Variants in MLXIP observed in about 807,000 individuals in gnomAD.
MLXIP encodes the protein MLX interacting protein.
Under a neutral mutation model 87.2 loss-of-function variants are expected in MLXIP, and 30 were observed. The ratio of observed to expected loss-of-function variants is 0.34; its 90% CI spans 0.26 to 0.47. The LOEUF (loss-of-function observed/expected upper bound fraction) is 0.47, where lower values mean the gene tolerates loss of function less well. MLXIP is among the 20% of genes least tolerant of loss of function. MLXIP has a pLI of 1.00. For missense variants in MLXIP, 1,002 were observed against 1,240.1 expected (o/e 0.81, Z 2.88); for synonymous variants, 530 against 514.0 (o/e 1.03, Z -0.42).
intron 1 of MLXIP, among the ~76,000 whole-genome samples, chr12:122,116,508 T>TTG (rs1378962267): frequency 6.6e-6 from 1 of 152,220 alleles, no homozygotes; most frequent in Non-Finnish European, 1.5e-5. Context: ...AGTTTGCCTC[T>TTG]TGCAAATCTG....
At chr12:122,084,602 A>C (rs1349150405) in intron 1 of MLXIP, among the ~76,000 whole-genome samples, 1 of 152,096 alleles carries the variant, frequency 6.6e-6, no homozygotes, top group Non-Finnish European at 1.5e-5. Flanking sequence ...GCTGGAGTGC[A>C]GTGGCGTGAT....
intron 1 of MLXIP, among the ~76,000 whole-genome samples, chr12:122,097,613 TAA>T (rs373093831): frequency 1.1e-4 from 15 of 140,486 alleles, no homozygotes; most frequent in Non-Finnish European, 1.1e-4. Flanking sequence ...ACCCTGCCTC[TAA>T]AAAAAAAAAA....
At chr12:122,134,045 C>A in intron 9 of MLXIP, 58 bp downstream of exon 9, 1 of 1,512,140 alleles carries the variant, frequency 6.6e-7, no homozygotes, top group Admixed American at 2.2e-5. Context: ...GGATGTTTTC[C>A]CATCCCAAAG....
chr12:122,128,054 G>A, intron 3 of MLXIP, 86 bp downstream of exon 3: 2 of 1,167,154 alleles, frequency 1.7e-6, no homozygotes, highest in South Asian at 2.5e-5. Context: ...GGTCCTGTAG[G>A]AGAGGCTGCC....
intron 13 of MLXIP, 50 bp from the exon 14 acceptor site, chr12:122,138,374 C>G (rs764281328): frequency 6.2e-7 from 1 of 1,610,722 alleles, no homozygotes; most frequent in Non-Finnish European, 8.5e-7. Flanking sequence ...TTGCTGGTGG[C>G]AGGCCTGCTG....
intron 1 of MLXIP, among the ~76,000 whole-genome samples, chr12:122,109,278 A>T (rs1030674291): frequency 1.3e-5 from 2 of 152,196 alleles, no homozygotes; most frequent in African/African-American, 4.8e-5. Flanking sequence ...TGTGTTGGCT[A>T]GGCTGGTCTT....
intron 1 of MLXIP, among the ~76,000 whole-genome samples, chr12:122,096,803 G>A (rs1290380212): frequency 6.6e-6 from 1 of 152,162 alleles, no homozygotes; most frequent in African/African-American, 2.4e-5. Context: ...CCTGCCCTTG[G>A]CTGTTTGTTG....
chr12:122,129,463 G>A, intron 4 of MLXIP, 125 bp from the exon 5 acceptor site: 2 of 1,138,008 alleles, frequency 1.8e-6, no homozygotes, highest in Non-Finnish European at 2.6e-6. Context: ...CTTTGTGCAG[G>A]CATCGGCCTG....
Position 122,142,283 on chromosome 12 carries a change from C to T in MLXIP, c.*471C>T. 1.4e-6 allele frequency: 1 copy of T among 690,460 alleles called. No homozygotes were observed. Among genetic ancestry groups the T allele is most frequent in the Non-Finnish European group, 2.6e-6 (1 of 377,530 alleles). The allele number at this position is 690,460 out of a possible 1,614,324, so 42.8% of individuals were successfully genotyped here. A position where few individuals can be genotyped will look rare whatever the true frequency, so the allele number is the denominator to read the frequency against. On this transcript the variant is annotated 3_prime_UTR_variant, in exon 17 of 17. Coordinates refer to ENST00000319080, the MANE Select transcript of MLXIP (RefSeq NM_014938.6). ...TCCACTCTCTGGTCTGCCCGTGGGG[C>T]AGTTGGAAGGCGTCTTTCTTTCTCC...
chr12:122,111,107 G>T (rs1054336291), intron 1 of MLXIP, among the ~76,000 whole-genome samples: 1 of 151,698 alleles, frequency 6.6e-6, no homozygotes, highest in Non-Finnish European at 1.5e-5. Flanking sequence ...CTATTTATAG[G>T]TCTTGGCTAC....
intron 2 of MLXIP, 120 bp downstream of exon 2, chr12:122,127,482 T>G: frequency 1.4e-6 from 1 of 723,134 alleles, no homozygotes; most frequent in East Asian, 2.7e-5. Context: ...GTTCAGTCTG[T>G]GCAGACAGGA....
At chr12:122,114,625 G>A (rs569993971) in intron 1 of MLXIP, among the ~76,000 whole-genome samples, 26 of 152,246 alleles carry the variant, frequency 1.7e-4, no homozygotes, top group Middle Eastern at 3.4e-3. Flanking sequence ...AAAGCCCCCA[G>A]GCAAACAAAG....
chr12:122,135,203 A>G lies in MLXIP; in HGVS notation c.1733-21A>G. Reference sequence around the variant, plus strand: ...CCCTGTGGCCCAGGGCTGCACCTGAACATCCTCCTTATCCTGGCAGCTGCC... The same window carrying G: ...CCCTGTGGCCCAGGGCTGCACCTGAGCATCCTCCTTATCCTGGCAGCTGCC... On this transcript the variant is annotated intron_variant, in intron 9 of 16. Transcript: ENST00000319080. This position sits in a 1 kb window ranked among gnomAD's most constrained non-coding sequence, Gnocchi z 5.3. The G allele has an allele frequency of 6.2e-7, 1 of 1,611,524 alleles. No homozygotes were observed. The highest frequency in any genetic ancestry group is 8.5e-7 in the Non-Finnish European group (1 of 1,179,158).
chr12:122,139,009 G>T, intron 15 of MLXIP, 71 bp downstream of exon 15: 1 of 1,586,132 alleles, frequency 6.3e-7, no homozygotes, highest in Non-Finnish European at 8.6e-7. Context: ...CCGTGGCACT[G>T]TAGTTACTTT....
intron 1 of MLXIP, among the ~76,000 whole-genome samples, chr12:122,112,146 T>A (rs1952614393): frequency 6.6e-6 from 1 of 152,114 alleles, no homozygotes; most frequent in South Asian, 2.1e-4. Context: ...TGGACACAGG[T>A]CAGTGGTGAT....
chr12:122,130,480 A>C (rs1304266679), intron 6 of MLXIP, among the ~76,000 whole-genome samples: 2 of 149,850 alleles, frequency 1.3e-5, no homozygotes, highest in Non-Finnish European at 1.5e-5. Flanking sequence ...AATCAGAAGC[A>C]CTCCCGGGTG....
intron 1 of MLXIP, among the ~76,000 whole-genome samples, chr12:122,125,677 G>A (rs1952870506): frequency 6.6e-6 from 1 of 152,210 alleles, no homozygotes; most frequent in Admixed American, 6.5e-5. Context: ...ACTTGGGAGA[G>A]AAGGAAGGAA....
intron 1 of MLXIP, among the ~76,000 whole-genome samples, chr12:122,080,467 G>T (rs944225288): frequency 1.3e-5 from 2 of 152,172 alleles, no homozygotes; most frequent in African/African-American, 4.8e-5. Flanking sequence ...TTTACCTGAA[G>T]TTAAAATATT....
intron 9 of MLXIP, 187 bp downstream of exon 9, chr12:122,134,174 C>A: frequency 1.5e-5 from 10 of 689,494 alleles, no homozygotes; most frequent in Non-Finnish European, 2.0e-5. Flanking sequence ...AGTCCGTTTT[C>A]TATGCTCTAT....
Sources: allele counts gnomAD v4.1 joint callset (sites outside exome capture counted in the v4.1 genomes callset), GRCh38; gene constraint gnomAD v4.1.1; non-coding constraint Gnocchi (gnomAD v3.1); transcripts MANE v1.5; gene names NCBI Gene and HGNC (gene_info 2026-07-23, HGNC 2026-07-21).